Variants in SPRYD4 observed in about 807,000 individuals in gnomAD.
The protein encoded by SPRYD4 is SPRY domain containing 4.
SPRYD4 carries 12 observed loss-of-function variants against 16.6 expected under a neutral mutation model. The observed-to-expected ratio is 0.72, with a 90% CI of 0.46 to 1.17. SPRYD4 has a LOEUF of 1.17. Among genes scored for constraint, SPRYD4 ranks in the 50% most tolerant of loss-of-function variants. The pLI, the probability that SPRYD4 is intolerant of heterozygous loss-of-function variation, is 0.00. For missense variants in SPRYD4, 260 were observed against 260.2 expected (o/e 1.00, Z 0.00); for synonymous variants, 98 against 105.4 (o/e 0.93, Z 0.43).
Position 56,473,633 on chromosome 12 carries a change from G to A in SPRYD4, c.*4056G>A. ...CTGAAGCTGAGGATAAAGTGGGTGT[G>A]CCCCAAATCAGAAAATAAACAAGTT... On this transcript the variant is annotated 3_prime_UTR_variant, in exon 2 of 2. Transcript: ENST00000338146. The A allele has an allele frequency of 1.3e-6, 2 of 1,575,606 alleles. No individual in the cohort carries two copies. The highest frequency in any genetic ancestry group is 1.7e-6 in the Non-Finnish European group (2 of 1,158,930).
rs539511343 is a variant in SPRYD4, at chr12:56,471,939, C to G, written c.*2362C>G. ...TTTACCAAGAGGGGAGGGGAAAAGGCCTCTTCCCATTTTGTACCCTGCAGC... is the reference window on the plus strand; with the variant it reads ...TTTACCAAGAGGGGAGGGGAAAAGGGCTCTTCCCATTTTGTACCCTGCAGC... On this transcript the variant is annotated 3_prime_UTR_variant, in exon 2 of 2. Transcript: ENST00000338146. The G allele has an allele frequency of 4.4e-5, 60 of 1,359,878 alleles. No homozygotes were observed. In the African/African-American group the frequency reaches 7.7e-4, roughly 18 times the overall value. 84.2% of individuals were successfully genotyped at this position (1,359,878 alleles called of 1,614,324 possible). A position where few individuals can be genotyped will look rare whatever the true frequency, so the allele number is the denominator to read the frequency against.
chr12:56,473,540 TG>T lies in SPRYD4; in HGVS notation c.*3966del. On this transcript the variant is annotated 3_prime_UTR_variant, in exon 2 of 2. Coordinates refer to ENST00000338146, the MANE Select transcript of SPRYD4 (RefSeq NM_207344.4). ...GACAGGCACATCATTCCCATGACAT[TG>T]GGTACCACCAGGAGGATGGCTCCTG... The T allele has an allele frequency of 6.2e-7, 1 of 1,613,552 alleles. No homozygotes were observed. The highest frequency in any genetic ancestry group is 8.5e-7 in the Non-Finnish European group (1 of 1,180,024).
Position 56,474,671 on chromosome 12 carries a change from G to A in SPRYD4, c.*5094G>A. On this transcript the variant is annotated 3_prime_UTR_variant, in exon 2 of 2. Coordinates refer to ENST00000338146, the MANE Select transcript of SPRYD4 (RefSeq NM_207344.4). Reference sequence around the variant, plus strand: ...GGGGCAGATCCCACCGTTGGCGAGGGTGGCTGCCATGACACTGCCTGATTC... The same window carrying A: ...GGGGCAGATCCCACCGTTGGCGAGGATGGCTGCCATGACACTGCCTGATTC... 1.2e-6 allele frequency: 2 copies of A among 1,613,428 alleles called. No homozygotes were observed. Among genetic ancestry groups the A allele is most frequent in the Non-Finnish European group, 1.7e-6 (2 of 1,179,518 alleles).
In SPRYD4 at chr12:56,479,112, C is replaced by T; in HGVS notation, c.*9535C>T. The T allele has an allele frequency of 6.2e-7, 1 of 1,614,070 alleles. No homozygotes were observed. The highest frequency in any genetic ancestry group is 8.5e-7 in the Non-Finnish European group (1 of 1,180,026). Reference sequence around the variant, plus strand: ...TGCGATCCACATGGCCCGTGAACTCCTCAAAATCAGGAATGACAAACTTCT... The same window carrying T: ...TGCGATCCACATGGCCCGTGAACTCTTCAAAATCAGGAATGACAAACTTCT... On this transcript the variant is annotated 3_prime_UTR_variant, in exon 2 of 2. Coordinates refer to ENST00000338146, the MANE Select transcript of SPRYD4 (RefSeq NM_207344.4).
Position 56,473,788 on chromosome 12 carries a change from A to T in SPRYD4, c.*4211A>T. On this transcript the variant is annotated 3_prime_UTR_variant, in exon 2 of 2. Transcript: ENST00000338146. ...CTTAAATTCATTGATTCAGCTAGAAAATATTTTTTGAAATACTTACAGCAT... is the reference window on the plus strand; with the variant it reads ...CTTAAATTCATTGATTCAGCTAGAATATATTTTTTGAAATACTTACAGCAT... 1.5e-6 allele frequency: 1 copy of T among 654,724 alleles called. No individual in the cohort carries two copies. Among genetic ancestry groups the T allele is most frequent in the Non-Finnish European group, 2.4e-6 (1 of 417,306 alleles). 40.6% of individuals were successfully genotyped at this position (654,724 alleles called of 1,614,324 possible).
chr12:56,472,629 T>G lies in SPRYD4; in HGVS notation c.*3052T>G, dbSNP rs1869393624. The G allele has an allele frequency of 6.9e-7, 1 of 1,453,456 alleles. No homozygotes were observed. Among genetic ancestry groups the G allele is most frequent in the South Asian group, 1.1e-5 (1 of 87,298 alleles). 90.0% of individuals were successfully genotyped at this position (1,453,456 alleles called of 1,614,324 possible). A position where few individuals can be genotyped will look rare whatever the true frequency, so the allele number is the denominator to read the frequency against. On this transcript the variant is annotated 3_prime_UTR_variant, in exon 2 of 2. Coordinates refer to ENST00000338146, the MANE Select transcript of SPRYD4 (RefSeq NM_207344.4). ...CACTTAACTATTTTGTTACGCTGCC[T>G]CCTAGTAAAATCTCTGACCAGGAGT...
At position 56,472,971 on chromosome 12, in the gene SPRYD4, C is replaced by G. The variant is rs1592272715; in HGVS notation, c.*3394C>G. The G allele has an allele frequency of 1.8e-6, 1 of 569,608 alleles. No individual in the cohort carries two copies. Among genetic ancestry groups the G allele is most frequent in the Non-Finnish European group, 3.1e-6 (1 of 326,662 alleles). 35.3% of individuals were successfully genotyped at this position (569,608 alleles called of 1,614,324 possible). On this transcript the variant is annotated 3_prime_UTR_variant, in exon 2 of 2. Coordinates refer to ENST00000338146, the MANE Select transcript of SPRYD4 (RefSeq NM_207344.4). ...GGCGCGCGGTCTTGGCTCACTGCAA[C>G]CTCTGCCTCCCGGTTTCAAGCGATT...
chr12:56,473,250 C>T lies in SPRYD4; in HGVS notation c.*3673C>T, dbSNP rs748540701. On this transcript the variant is annotated 3_prime_UTR_variant, in exon 2 of 2. Transcript: ENST00000338146. ...TACCCGAATTTCTGCCCCTTCACGC[C>T]GTGGGTCTAACTTCCGAGCACAGTG... 6.8e-6 allele frequency: 11 copies of T among 1,614,048 alleles called. No homozygotes were observed. Among genetic ancestry groups the T allele is most frequent in the African/African-American group, 4.0e-5 (3 of 74,980 alleles).
chr12:56,474,613 T>C lies in SPRYD4; in HGVS notation c.*5036T>C. ...GCATGAGGCTGAGGGTGTTGCGCAC[T>C]GCTTCAGCACTCAGCACACTCTCGC... is the stretch of plus-strand genomic sequence containing the variant. On this transcript the variant is annotated 3_prime_UTR_variant, in exon 2 of 2. Coordinates refer to ENST00000338146, the MANE Select transcript of SPRYD4 (RefSeq NM_207344.4). 6.2e-7 allele frequency: 1 copy of C among 1,614,230 alleles called. No homozygotes were observed. Among genetic ancestry groups the C allele is most frequent in the Middle Eastern group, 1.6e-4 (1 of 6,062 alleles).
chr12:56,473,391 A>T lies in SPRYD4; in HGVS notation c.*3814A>T. The T allele has an allele frequency of 2.5e-6, 4 of 1,605,532 alleles. No homozygotes were observed. Among genetic ancestry groups the T allele is most frequent in the Non-Finnish European group, 3.4e-6 (4 of 1,175,114 alleles). ...AGTAGGAGCTCAAAATTGCTTTATT[A>T]TAGTAAAAGTGGTACCATTAAACAA... On this transcript the variant is annotated 3_prime_UTR_variant, in exon 2 of 2. Coordinates refer to ENST00000338146, the MANE Select transcript of SPRYD4 (RefSeq NM_207344.4).
Position 56,475,013 on chromosome 12 carries a change from G to A in SPRYD4, c.*5436G>A, listed in dbSNP as rs749019649. The stretch of plus-strand genomic sequence containing the variant: ...CCTTCCACTAGCAGCAGAATTCCCA[G>A]GGACTTTCTCTTCCGGCCTCTTCTG... On this transcript the variant is annotated 3_prime_UTR_variant, in exon 2 of 2. Transcript: ENST00000338146. 2 of 1,613,968 alleles carry A rather than the reference G, an allele frequency of 1.2e-6. No individual in the cohort carries two copies. Among genetic ancestry groups the A allele is most frequent in the Non-Finnish European group, 1.7e-6 (2 of 1,180,030 alleles).
At position 56,474,766 on chromosome 12, in the gene SPRYD4, T is replaced by C; in HGVS notation, c.*5189T>C. On this transcript the variant is annotated 3_prime_UTR_variant, in exon 2 of 2. Transcript: ENST00000338146. The stretch of plus-strand genomic sequence containing the variant: ...TGAAGATGTGACGTGAACCTGCACA[T>C]GGGACCCTCGGGTGTAGGGAAAGGG... The C allele has an allele frequency of 6.2e-7, 1 of 1,611,752 alleles. No homozygotes were observed. The highest frequency in any genetic ancestry group is 8.5e-7 in the Non-Finnish European group (1 of 1,178,364).
Position 56,478,313 on chromosome 12 carries a change from A to G in SPRYD4, c.*8736A>G, listed in dbSNP as rs1443081214. Reference sequence around the variant, plus strand: ...GGAGATGGATGTGGAGAAGAGGAACAGAGTTGAGGTTGAGGGTCAAGAGAA... The same window carrying G: ...GGAGATGGATGTGGAGAAGAGGAACGGAGTTGAGGTTGAGGGTCAAGAGAA... On this transcript the variant is annotated 3_prime_UTR_variant, in exon 2 of 2. Transcript: ENST00000338146. 19 of 1,574,664 alleles carry G rather than the reference A, an allele frequency of 1.2e-5. No individual in the cohort carries two copies. Among genetic ancestry groups the G allele is most frequent in the Non-Finnish European group, 1.4e-5 (16 of 1,144,668 alleles).
Position 56,472,750 on chromosome 12 carries a change from T to C in SPRYD4, c.*3173T>C. 6.2e-7 allele frequency: 1 copy of C among 1,613,918 alleles called. No homozygotes were observed. The highest frequency in any genetic ancestry group is 1.1e-5 in the South Asian group (1 of 91,072). On this transcript the variant is annotated 3_prime_UTR_variant, in exon 2 of 2. Transcript: ENST00000338146. ...AAATAACAGGTTGACCACAGTCTTG[T>C]TCTGGAACACAAATCATACCCACAT...
rs1485807588 is a variant in SPRYD4 at position 56,471,615 on chromosome 12, C to G, written c.*2038C>G. 2 of 1,613,952 alleles carry G rather than the reference C, an allele frequency of 1.2e-6. No homozygotes were observed. Among genetic ancestry groups the G allele is most frequent in the Admixed American group, 1.7e-5 (1 of 59,974 alleles). ...ACCACCTCCAGATGGTTGAACTGCACAGCATCATCCAGGGGAATGTTGCCC... is the reference window on the plus strand; with the variant it reads ...ACCACCTCCAGATGGTTGAACTGCAGAGCATCATCCAGGGGAATGTTGCCC... On this transcript the variant is annotated 3_prime_UTR_variant, in exon 2 of 2. Coordinates refer to ENST00000338146, the MANE Select transcript of SPRYD4 (RefSeq NM_207344.4).
Position 56,472,393 on chromosome 12 carries a change from C to T in SPRYD4, c.*2816C>T. On this transcript the variant is annotated 3_prime_UTR_variant, in exon 2 of 2. Transcript: ENST00000338146. Reference sequence around the variant, plus strand: ...ATATTAGAGAGATGGGAATGTGATCCTTCCAGAAATATCACTCACTGCCTA... The same window carrying T: ...ATATTAGAGAGATGGGAATGTGATCTTTCCAGAAATATCACTCACTGCCTA... 1.6e-6 allele frequency: 1 copy of T among 613,386 alleles called. No individual in the cohort carries two copies. The highest frequency in any genetic ancestry group is 2.0e-5 in the South Asian group (1 of 50,408). The allele number at this position is 613,386 out of a possible 1,614,324, so 38.0% of individuals were successfully genotyped here.
chr12:56,469,745 G>A lies in SPRYD4; in HGVS notation c.*168G>A, dbSNP rs201926504. The A allele has an allele frequency of 1.5e-4, 108 of 705,966 alleles. No homozygotes were observed. In the African/African-American group the frequency reaches 1.8e-3, roughly 12 times the overall value. The allele number at this position is 705,966 out of a possible 1,614,324, so 43.7% of individuals were successfully genotyped here. The stretch of plus-strand genomic sequence containing the variant: ...CTCATCCCCTACCTTGTGAAAGCTA[G>A]GCATACAGCCAAACCCTCCTTTTCC... On this transcript the variant is annotated 3_prime_UTR_variant, in exon 2 of 2. Coordinates refer to ENST00000338146, the MANE Select transcript of SPRYD4 (RefSeq NM_207344.4).
chr12:56,477,505 CAT>C lies in SPRYD4; in HGVS notation c.*7929_*7930del, dbSNP rs776773172. ...TCTTATACTGACATTGTCAGCATAACATGTGGGTCCCTGCTGTGCCTCATGTG... is the reference window on the plus strand; with the variant it reads ...TCTTATACTGACATTGTCAGCATAACGTGGGTCCCTGCTGTGCCTCATGTG... On this transcript the variant is annotated 3_prime_UTR_variant, in exon 2 of 2. Coordinates refer to ENST00000338146, the MANE Select transcript of SPRYD4 (RefSeq NM_207344.4). The C allele has an allele frequency of 2.3e-5, 16 of 684,580 alleles. No individual in the cohort carries two copies. The highest frequency in any genetic ancestry group is 7.6e-5 in the Admixed American group (3 of 39,714). The allele number at this position is 684,580 out of a possible 1,614,324, so 42.4% of individuals were successfully genotyped here. A position where few individuals can be genotyped will look rare whatever the true frequency, so the allele number is the denominator to read the frequency against.
rs1592271760 is a variant in SPRYD4 at position 56,472,172 on chromosome 12, A to G, written c.*2595A>G. On this transcript the variant is annotated 3_prime_UTR_variant, in exon 2 of 2. Transcript: ENST00000338146. ...GCGCGAGTCATAGTCTTTCTGTTCCATATCCATGGCTGACAAGGCAAACCT... is the reference window on the plus strand; with the variant it reads ...GCGCGAGTCATAGTCTTTCTGTTCCGTATCCATGGCTGACAAGGCAAACCT... The G allele has an allele frequency of 1.9e-6, 3 of 1,614,206 alleles. No homozygotes were observed. Among genetic ancestry groups the G allele is most frequent in the Middle Eastern group, 1.6e-4 (1 of 6,062 alleles).
Sources: gnomAD v4.1 joint callset for allele counts on GRCh38, gnomAD v4.1.1 for gene constraint, MANE v1.5 for transcripts, NCBI Gene and HGNC (gene_info 2026-07-23, HGNC 2026-07-21) for gene names.